CADM2: variants seen among roughly 807,000 people sequenced by gnomAD.
CADM2 encodes immunoglobulin superfamily member 4D.
In CADM2, 12 loss-of-function variants were observed where a neutral mutation model predicts 49.8. The observed-to-expected ratio is 0.24, with a 90% CI of 0.15 to 0.39. The LOEUF is 0.39. CADM2 is among the 10% of genes least tolerant of loss of function. CADM2 has a pLI of 1.00. For missense variants in CADM2, 378 were observed against 492.3 expected (o/e 0.77, Z 2.20); for synonymous variants, 214 against 175.4 (o/e 1.22, Z -1.74).
intron 1 of CADM2, among the ~76,000 whole-genome samples, chr3:85,006,548 C>G (rs1284301249): frequency 6.6e-6 from 1 of 152,062 alleles, no homozygotes; most frequent in Non-Finnish European, 1.5e-5. Context: ...AATTCTTATA[C>G]CTAGGTCTCT....
intron 1 of CADM2, among the ~76,000 whole-genome samples, chr3:85,207,921 T>A (rs2041689639): frequency 6.6e-6 from 1 of 152,176 alleles, no homozygotes; most frequent in African/African-American, 2.4e-5. Context: ...TGTATATTTC[T>A]AGTATAATCA....
At chr3:85,714,469 C>T (rs1239745818) in intron 1 of CADM2, among the ~76,000 whole-genome samples, 2 of 152,100 alleles carry the variant, frequency 1.3e-5, no homozygotes, top group Non-Finnish European at 2.9e-5. Context: ...CTCTGTCACC[C>T]AGGCTGGAGT....
chr3:85,443,371 G>A (rs1472521986), intron 1 of CADM2, among the ~76,000 whole-genome samples: 1 of 152,088 alleles, frequency 6.6e-6, no homozygotes, highest in South Asian at 2.1e-4. Flanking sequence ...CTTCAATTCA[G>A]TAATCTTTGG....
At chr3:85,454,689 T>C (rs1004807202) in intron 1 of CADM2, among the ~76,000 whole-genome samples, 1 of 152,136 alleles carries the variant, frequency 6.6e-6, no homozygotes, top group Non-Finnish European at 1.5e-5. Context: ...AAAAAGCTAA[T>C]CCAATGATGC....
intron 1 of CADM2, among the ~76,000 whole-genome samples, chr3:85,188,868 A>G (rs2041131894): frequency 6.6e-6 from 1 of 151,808 alleles, no homozygotes; most frequent in South Asian, 2.1e-4. Context: ...CGTCTCTACT[A>G]AAAATACAAA....
chr3:85,000,376 C>T (rs2033402028), intron 1 of CADM2, among the ~76,000 whole-genome samples: 1 of 151,886 alleles, frequency 6.6e-6, no homozygotes. Flanking sequence ...AATCCTCCCA[C>T]TTCGGCCTCC....
intron 7 of CADM2, among the ~76,000 whole-genome samples, chr3:85,960,987 T>C (rs1398073345): frequency 6.8e-6 from 1 of 147,342 alleles, no homozygotes; most frequent in African/African-American, 2.5e-5. Flanking sequence ...TTTATTATAA[T>C]AAGTATTATT....
At chr3:85,573,707 A>G (rs1437589431) in intron 1 of CADM2, among the ~76,000 whole-genome samples, 1 of 152,194 alleles carries the variant, frequency 6.6e-6, no homozygotes, top group Non-Finnish European at 1.5e-5. Context: ...TCTCTCAGGT[A>G]TCTATGATCA....
chr3:85,045,817 A>T lies in CADM2; in HGVS notation c.61+86149A>T, dbSNP rs556160212. The stretch of plus-strand genomic sequence containing the variant: ...GAACATGACTTGAATATTTCCTCTT[A>T]ATAACTATACATTGGAAAAAGGTTC... On this transcript the variant is annotated intron_variant, in intron 1 of 9. Transcript: ENST00000383699. 2.0e-5 allele frequency among the ~76,000 whole-genome samples: 3 copies of T among 152,196 alleles called. No individual in the cohort carries two copies. In the South Asian group the frequency reaches 6.2e-4, roughly 32 times the overall value.
At chr3:85,757,930 A>G (rs2069197629) in intron 2 of CADM2, among the ~76,000 whole-genome samples, 1 of 152,152 alleles carries the variant, frequency 6.6e-6, no homozygotes, top group South Asian at 2.1e-4. Flanking sequence ...AATCAAATGG[A>G]AGTTTTATAG....
At chr3:85,109,751 A>G (rs1383665315) in intron 1 of CADM2, among the ~76,000 whole-genome samples, 1 of 152,038 alleles carries the variant, frequency 6.6e-6, no homozygotes, top group Non-Finnish European at 1.5e-5. Context: ...TGTAAAATTT[A>G]TAGTACAGTA....
At position 85,515,634 on chromosome 3, in the gene CADM2, T is replaced by A. The variant is rs866157484; in HGVS notation, c.62-210888T>A. Among the ~76,000 whole-genome samples, 1,100 of 142,524 alleles carry A rather than the reference T, an allele frequency of 7.7e-3. 16 individuals are homozygous for A. The highest frequency in any genetic ancestry group is 0.024 in the African/African-American group (910 of 38,542). 93.5% of individuals were successfully genotyped at this position (142,524 alleles called of 152,430 possible). A position where few individuals can be genotyped will look rare whatever the true frequency, so the allele number is the denominator to read the frequency against. On this transcript the variant is annotated intron_variant, in intron 1 of 9. Transcript: ENST00000383699. ...TAATATATATATATATATATATATT[T>A]TTTTTTTTTGTATCTTTAGTAGAGA...
rs1470572966 is a variant in CADM2 at position 85,807,911 on chromosome 3, TG to T, written c.238+5716del. 2.0e-5 allele frequency among the ~76,000 whole-genome samples: 3 copies of T among 152,300 alleles called. 1 individual carries two copies. In the East Asian group the frequency reaches 5.8e-4, roughly 29 times the overall value. On this transcript the variant is annotated intron_variant, in intron 3 of 9. Coordinates refer to ENST00000383699, the MANE Select transcript of CADM2 (RefSeq NM_001167675.2). Reference sequence around the variant, plus strand: ...AATGATTTTTTTTTACCATTTAAATTGTACAGCTTTCAGGGGGACATTGTGG... The same window carrying T: ...AATGATTTTTTTTTACCATTTAAATTTACAGCTTTCAGGGGGACATTGTGG...
intron 8 of CADM2, among the ~76,000 whole-genome samples, chr3:86,039,752 C>T (rs1578029269): frequency 6.6e-6 from 1 of 152,268 alleles, no homozygotes; most frequent in African/African-American, 2.4e-5. Context: ...TCCCAGCAGG[C>T]AGCTGGAGAT....
chr3:85,941,495 G>A (rs973899905), intron 7 of CADM2, among the ~76,000 whole-genome samples: 2 of 152,022 alleles, frequency 1.3e-5, no homozygotes, highest in Non-Finnish European at 2.9e-5. Flanking sequence ...AATAATAATA[G>A]TTATAAATTA....
At chr3:85,010,266 A>G (rs1181894403) in intron 1 of CADM2, among the ~76,000 whole-genome samples, 1 of 152,222 alleles carries the variant, frequency 6.6e-6, no homozygotes, top group Non-Finnish European at 1.5e-5. Context: ...AACATAAATT[A>G]CAAAACATGG....
At chr3:85,152,753 C>G (rs910678885) in intron 1 of CADM2, among the ~76,000 whole-genome samples, 1 of 151,868 alleles carries the variant, frequency 6.6e-6, no homozygotes, top group African/African-American at 2.4e-5. Flanking sequence ...GTCAGGAGAT[C>G]GAGACCATCC....
rs565616419 is a variant in CADM2 at position 85,111,102 on chromosome 3, A to C, written c.61+151434A>C. On this transcript the variant is annotated intron_variant, in intron 1 of 9. Coordinates refer to ENST00000383699, the MANE Select transcript of CADM2 (RefSeq NM_001167675.2). ...TGGCAAATTTATAAAATCAATTATA[A>C]TTCTTAGGACAACTTTATTCTTAAA... Among the ~76,000 whole-genome samples the C allele has an allele frequency of 3.9e-5, 6 of 151,996 alleles. No individual in the cohort carries two copies. In the South Asian group the frequency reaches 1.2e-3, roughly 31 times the overall value.
At chr3:85,135,508 C>T (rs1172347791) in intron 1 of CADM2, among the ~76,000 whole-genome samples, 1 of 151,980 alleles carries the variant, frequency 6.6e-6, no homozygotes, top group Non-Finnish European at 1.5e-5. Flanking sequence ...AATTTCTATT[C>T]ACAATCAAAA....
Sources: gnomAD v4.1 joint callset for allele counts (sites outside exome capture counted in the v4.1 genomes callset) on GRCh38, gnomAD v4.1.1 for gene constraint, MANE v1.5 for transcripts, NCBI Gene and HGNC (gene_info 2026-07-23, HGNC 2026-07-21) for gene names.